Variants in TNR observed in about 807,000 individuals in gnomAD.
TNR encodes tenascin R, also known as tenascin-R.
A neutral mutation model predicts 150.4 loss-of-function variants in TNR; 45 were observed. The observed-to-expected ratio is 0.30, with a 90% CI of 0.24 to 0.38. The LOEUF (loss-of-function observed/expected upper bound fraction) is 0.38. Ranked by LOEUF, TNR falls within the 10% of genes least tolerant of loss-of-function variation. TNR has a pLI of 1.00. For missense variants in TNR, 1,544 were observed against 1,759.1 expected (o/e 0.88, Z 2.19); for synonymous variants, 687 against 678.4 (o/e 1.01, Z -0.20).
chr1:175,670,215 G>A (rs1055339720), intron 1 of TNR, among the ~76,000 whole-genome samples: 3 of 152,168 alleles, frequency 2.0e-5, no homozygotes, highest in Admixed American at 2.0e-4. Context: ...ATGTCCAGGG[G>A]CACGAGGCTG....
intron 2 of TNR, among the ~76,000 whole-genome samples, chr1:175,515,584 A>C (rs859353): frequency 0.21 from 31,439 of 152,106 alleles, 3,619 homozygotes; most frequent in African/African-American, 0.31. Context: ...GTGCATTCCT[A>C]TAGGGGTCTA....
intron 1 of TNR, among the ~76,000 whole-genome samples, chr1:175,659,375 A>C (rs534796814): frequency 6.6e-6 from 1 of 152,346 alleles, no homozygotes; most frequent in East Asian, 1.9e-4. Flanking sequence ...TCCCTGGAGC[A>C]AGCTGCTTTT....
chr1:175,684,687 A>G (rs1253896437), intron 1 of TNR, among the ~76,000 whole-genome samples: 1 of 152,194 alleles, frequency 6.6e-6, no homozygotes, highest in Non-Finnish European at 1.5e-5. Context: ...TGTTCTTTGA[A>G]TACCTTCTCT....
chr1:175,675,787 C>G, intron 1 of TNR, among the ~76,000 whole-genome samples: 1 of 152,166 alleles, frequency 6.6e-6, no homozygotes, highest in East Asian at 1.9e-4. Flanking sequence ...AGCTATTAGA[C>G]AGCTGTCACT....
intron 15 of TNR, among the ~76,000 whole-genome samples, chr1:175,357,312 T>C (rs1651379045): frequency 6.6e-6 from 1 of 152,226 alleles, no homozygotes; most frequent in Non-Finnish European, 1.5e-5. Flanking sequence ...TGTTCATTAG[T>C]TCAGGGCCAA....
In TNR at chr1:175,379,634, C is replaced by T; in HGVS notation, c.1881G>A (p.Val627=). ...SEAEVQEYKV[V]YSTLAGEQYH... is the part of the protein sequence containing the mutation. ...ATTGCTCACCCGCCAGGGTGCTGTA[C>T]ACAACCTTGTACTCCTGAACTTCGG... The change falls in exon 9 of 23, where the codon GTG becomes GTA. Residue 627 remains valine (V), a synonymous_variant. Coordinates refer to ENST00000367674, the MANE Select transcript of TNR (RefSeq NM_003285.3). The T allele has an allele frequency of 1.9e-6, 3 of 1,614,204 alleles. No homozygotes were observed. The highest frequency in any genetic ancestry group is 2.2e-5 in the South Asian group (2 of 91,080).
chr1:175,315,811 C>CGT lies in TNR; in HGVS notation c.*7545_*7546insAC, dbSNP rs1648820331. On this transcript the variant is annotated 3_prime_UTR_variant, in exon 23 of 23. Coordinates refer to ENST00000367674, the MANE Select transcript of TNR (RefSeq NM_003285.3). ...ATGTGTGCATGCATGTGTGTGTGTG[C>CGT]ATGTGTGTGTGTGTGTGTGTGTGTG... The CGT allele has an allele frequency of 4.5e-5, 4 of 89,098 alleles. No homozygotes were observed. The highest frequency in any genetic ancestry group is 2.0e-4 in the African/African-American group (4 of 19,896). 5.5% of individuals were successfully genotyped at this position (89,098 alleles called of 1,614,324 possible).
intron 1 of TNR, among the ~76,000 whole-genome samples, chr1:175,657,086 G>C (rs1665200584): frequency 6.6e-6 from 1 of 152,136 alleles, no homozygotes; most frequent in African/African-American, 2.4e-5. Flanking sequence ...AGAGAAAGGG[G>C]AAGAGCCTGT....
At chr1:175,569,102 G>T (rs10157886) in intron 1 of TNR, among the ~76,000 whole-genome samples, 1 of 152,088 alleles carries the variant, frequency 6.6e-6, no homozygotes, top group Non-Finnish European at 1.5e-5. Context: ...AAAGAAAGCC[G>T]ATAAGTTAAC....
intron 2 of TNR, among the ~76,000 whole-genome samples, chr1:175,430,887 G>T (rs1655233606): frequency 1.3e-5 from 2 of 152,080 alleles, no homozygotes; most frequent in South Asian, 4.2e-4. Flanking sequence ...TTTATATTTT[G>T]TAGTAAAAAA....
intron 2 of TNR, among the ~76,000 whole-genome samples, chr1:175,481,514 C>G (rs1657809493): frequency 6.6e-6 from 1 of 152,040 alleles, no homozygotes. Context: ...TTGGAGAGGA[C>G]AGGACACTTT....
Position 175,366,917 on chromosome 1 carries a change from G to C in TNR, c.2053+291C>G, listed in dbSNP as rs1571344769. On this transcript the variant is annotated intron_variant, in intron 10 of 22. Transcript: ENST00000367674. ...TCTAGATAAAAATATGGCCTGCAAT[G>C]GCATCAACCTATTTAGGATTTTCCA... 2.0e-5 allele frequency among the ~76,000 whole-genome samples: 3 copies of C among 152,212 alleles called. No homozygotes were observed. The South Asian group carries it at 6.2e-4, about 31-fold the overall frequency.
At chr1:175,572,348 A>G (rs185031155) in intron 1 of TNR, among the ~76,000 whole-genome samples, 2 of 152,228 alleles carry the variant, frequency 1.3e-5, no homozygotes, top group Non-Finnish European at 2.9e-5. Flanking sequence ...TACATTCTTT[A>G]GTAATCAAGA....
chr1:175,645,455 A>T (rs1317558060), intron 1 of TNR, among the ~76,000 whole-genome samples: 2 of 152,358 alleles, frequency 1.3e-5, no homozygotes, highest in East Asian at 1.9e-4. Flanking sequence ...CTGTTTTGCC[A>T]AGAGAAGCAA....
At position 175,316,805 on chromosome 1, in the gene TNR, T is replaced by C. The variant is rs962287872; in HGVS notation, c.*6552A>G. The stretch of plus-strand genomic sequence containing the variant: ...GAAAAGGAAAGAGATGTCAGAATGT[T>C]TCTTATTCCCCATGATGATGAGATT... On this transcript the variant is annotated 3_prime_UTR_variant, in exon 23 of 23. Transcript: ENST00000367674. The C allele has an allele frequency of 6.6e-6, 1 of 152,206 alleles. No individual in the cohort carries two copies. The highest frequency in any genetic ancestry group is 1.5e-5 in the Non-Finnish European group (1 of 68,038). 9.4% of individuals were successfully genotyped at this position (152,206 alleles called of 1,614,324 possible).
intron 2 of TNR, among the ~76,000 whole-genome samples, chr1:175,522,464 C>T (rs1438074834): frequency 1.3e-5 from 2 of 152,196 alleles, no homozygotes; most frequent in African/African-American, 4.8e-5. Flanking sequence ...ATATACTGCT[C>T]AGGTGATGGG....
At chr1:175,341,849 C>G (rs116250194) in intron 18 of TNR, among the ~76,000 whole-genome samples, 402 of 152,260 alleles carry the variant, frequency 2.6e-3, no homozygotes, top group African/African-American at 9.2e-3. Flanking sequence ...TTGCTTTTTC[C>G]CAGAAGCTTG....
At chr1:175,387,756 T>C (rs61806422) in intron 7 of TNR, among the ~76,000 whole-genome samples, 8,677 of 152,314 alleles carry the variant, frequency 0.057, 317 homozygotes, top group Middle Eastern at 0.17. Flanking sequence ...CTGGCCCACC[T>C]CCTACTCTGT....
At chr1:175,621,665 A>T (rs184127175) in intron 1 of TNR, among the ~76,000 whole-genome samples, 1 of 152,292 alleles carries the variant, frequency 6.6e-6, no homozygotes, top group East Asian at 1.9e-4. Context: ...TTAGCTACCT[A>T]CCCTTCAATG....
Sources: gnomAD v4.1 joint callset for allele counts (sites outside exome capture counted in the v4.1 genomes callset) on GRCh38, gnomAD v4.1.1 for gene constraint, MANE v1.5 for transcripts, NCBI Gene and HGNC (gene_info 2026-07-23, HGNC 2026-07-21) for gene names.